The following PLXNA1 variants were observed in gnomAD, a reference collection of about 807,000 sequenced individuals.
PLXNA1 encodes the protein plexin A1, also known as plexin-A1.
In PLXNA1, 77 loss-of-function variants were observed where a neutral mutation model predicts 191.7. That is an observed-to-expected ratio of 0.40 (90% confidence interval 0.33 to 0.49). The LOEUF (loss-of-function observed/expected upper bound fraction) is 0.49. PLXNA1 is among the 20% of genes least tolerant of loss of function. The pLI, the probability that PLXNA1 is intolerant of heterozygous loss-of-function variation, is 0.63. For synonymous variants in PLXNA1, 1,137 were observed against 1,156.4 expected, an observed-to-expected ratio of 0.98 and a Z score of 0.34; for missense variants, 2,110 against 2,660.2, an observed-to-expected ratio of 0.79 and a Z score of 4.55.
At position 126,988,581 on chromosome 3, in the gene PLXNA1, G is replaced by A; in HGVS notation, c.-13G>A. The A allele has an allele frequency of 6.8e-7, 1 of 1,478,040 alleles. No individual in the cohort carries two copies. The highest frequency in any genetic ancestry group is 1.4e-5 in the South Asian group (1 of 72,212). 91.6% of individuals were successfully genotyped at this position (1,478,040 alleles called of 1,614,324 possible). A position where few individuals can be genotyped will look rare whatever the true frequency, so the allele number is the denominator to read the frequency against. On this transcript the variant is annotated 5_prime_UTR_variant, in exon 2 of 32. Transcript: ENST00000393409. ...CAGGACCAGAGCACCGAGGCCCAAGGCCCCAGCCTGCCATGCCGCTGCCAC... is the reference window on the plus strand; with the variant it reads ...CAGGACCAGAGCACCGAGGCCCAAGACCCCAGCCTGCCATGCCGCTGCCAC...
At chr3:127,029,604 G>C (rs1448297297) in intron 27 of PLXNA1, 68 bp downstream of exon 27, 2 of 1,513,586 alleles carry the variant, frequency 1.3e-6, no homozygotes, top group Non-Finnish European at 1.8e-6. Flanking sequence ...CGTCCCCCGG[G>C]CTCCCACGCT....
intron 2 of PLXNA1, among the ~76,000 whole-genome samples, chr3:126,990,847 G>C (rs2078986685): frequency 6.6e-6 from 1 of 152,178 alleles, no homozygotes; most frequent in African/African-American, 2.4e-5. Context: ...GCTTGTAGGG[G>C]CAGAGCCTGG....
chr3:127,030,112 C>A, intron 28 of PLXNA1, 48 bp downstream of exon 28: 5 of 1,599,336 alleles, frequency 3.1e-6, no homozygotes, highest in Non-Finnish European at 4.3e-6. Context: ...GCCAACTGAG[C>A]TCAGAGAAAG....
chr3:126,985,064 C>A (rs1040081241), intron 1 of PLXNA1, among the ~76,000 whole-genome samples: 1 of 152,146 alleles, frequency 6.6e-6, no homozygotes, highest in Non-Finnish European at 1.5e-5. Context: ...GGATGGCAGC[C>A]CCACACCCCA....
In PLXNA1 at chr3:127,012,033, C is replaced by T. The variant is rs551831498; in HGVS notation, c.2188C>T (p.Arg730Trp). 66 of 1,613,628 alleles carry T rather than the reference C, an allele frequency of 4.1e-5. No homozygotes were observed. Among genetic ancestry groups the T allele is most frequent in the Admixed American group, 1.3e-4 (8 of 60,036 alleles). The change falls in exon 10 of 32, where the codon CGG becomes TGG. Residue 730 changes from arginine (R) to tryptophan (W), a missense_variant. This residue lies in a region of PLXNA1 where 903 missense variants were observed against 1,015.7 expected (regional missense o/e 0.89). Coordinates refer to ENST00000393409, the MANE Select transcript of PLXNA1 (RefSeq NM_032242.4). ...GVVKPITLAA[R>W]NLPQPQSGQR... is the part of the protein sequence containing the mutation. The stretch of plus-strand genomic sequence containing the variant: ...GGTAAAACCCATCACCCTGGCCGCA[C>T]GGAACCTGCCACAGCCACAGTCAGG...
At chr3:127,015,398 C>T (rs2079118054) in intron 15 of PLXNA1, 78 bp downstream of exon 15, 1 of 1,526,154 alleles carries the variant, frequency 6.6e-7, no homozygotes, top group Non-Finnish European at 8.8e-7. Flanking sequence ...TTCTTGTTGC[C>T]TGGGCAACGG....
intron 9 of PLXNA1, among the ~76,000 whole-genome samples, chr3:127,010,483 G>A (rs943503924): frequency 4.6e-5 from 7 of 152,132 alleles, no homozygotes; most frequent in African/African-American, 1.7e-4. Flanking sequence ...ATGGGGTGGG[G>A]GTATGGGGAG....
intron 1 of PLXNA1, among the ~76,000 whole-genome samples, chr3:126,986,481 G>A (rs1409816341): frequency 2.6e-5 from 4 of 152,238 alleles, no homozygotes; most frequent in Non-Finnish European, 5.9e-5. Flanking sequence ...GGCAGGGAGT[G>A]TGTGGGGAGT....
At chr3:127,033,309 G>T (rs1015114141) in intron 31 of PLXNA1, among the ~76,000 whole-genome samples, 1 of 152,220 alleles carries the variant, frequency 6.6e-6, no homozygotes, top group Non-Finnish European at 1.5e-5. Flanking sequence ...CTCCTGGGCC[G>T]CACAGGATGG....
chr3:127,008,993 G>A lies in PLXNA1; in HGVS notation c.2112+1080G>A, dbSNP rs572127782. 1.1e-4 allele frequency among the ~76,000 whole-genome samples: 17 copies of A among 152,254 alleles called. No homozygotes were observed. The East Asian group carries it at 2.7e-3, about 24-fold the overall frequency. The stretch of plus-strand genomic sequence containing the variant: ...CAGTGGGGCGCTTCTCTGGGGGTGC[G>A]GCCTGCCTGAAGAGCCAGGCCAAGG... On this transcript the variant is annotated intron_variant, in intron 9 of 31. Coordinates refer to ENST00000393409, the MANE Select transcript of PLXNA1 (RefSeq NM_032242.4).
At chr3:127,003,959 G>A (rs904884274) in intron 4 of PLXNA1, among the ~76,000 whole-genome samples, 1 of 152,236 alleles carries the variant, frequency 6.6e-6, no homozygotes, top group Non-Finnish European at 1.5e-5. Flanking sequence ...TTGAGTCCCT[G>A]GCCTGGCTTG....
intron 27 of PLXNA1, 60 bp from the exon 28 acceptor site, chr3:127,029,814 G>A: frequency 6.8e-7 from 1 of 1,481,114 alleles, no homozygotes; most frequent in Non-Finnish European, 9.0e-7. Flanking sequence ...TGGGGAAACA[G>A]GCTCGGGCGG....
At chr3:127,003,003 C>T (rs1251279483) in intron 3 of PLXNA1, among the ~76,000 whole-genome samples, 1 of 152,186 alleles carries the variant, frequency 6.6e-6, no homozygotes, top group Non-Finnish European at 1.5e-5. Flanking sequence ...TAGCCTTCAC[C>T]CTGGGTGTGG....
chr3:127,024,933 A>C (rs1367769696), intron 23 of PLXNA1, among the ~76,000 whole-genome samples: 1 of 152,180 alleles, frequency 6.6e-6, no homozygotes, highest in African/African-American at 2.4e-5. Context: ...GAGCAGTTCC[A>C]GATTCATAGT....
intron 3 of PLXNA1, among the ~76,000 whole-genome samples, chr3:127,002,864 A>C (rs1467358711): frequency 6.6e-6 from 1 of 151,866 alleles, no homozygotes; most frequent in East Asian, 1.9e-4. Flanking sequence ...AGGACACCCC[A>C]TTCTGGAGTC....
intron 20 of PLXNA1, 50 bp downstream of exon 20, chr3:127,018,578 C>A (rs1443153304): frequency 1.4e-6 from 2 of 1,456,398 alleles, no homozygotes; most frequent in South Asian, 1.2e-5. Flanking sequence ...CCGAGCCAGG[C>A]CCTGGCCTGT....
intron 21 of PLXNA1, 47 bp downstream of exon 21, chr3:127,020,391 C>CTA: frequency 6.3e-7 from 1 of 1,599,556 alleles, no homozygotes; most frequent in Non-Finnish European, 8.5e-7. Context: ...GAGGCAGCTG[C>CTA]TATCTTCTGC....
chr3:127,029,506 T>C lies in PLXNA1; in HGVS notation c.4840T>C (p.Ser1614Pro). The C allele has an allele frequency of 6.2e-7, 1 of 1,613,850 alleles. No individual in the cohort carries two copies. Among genetic ancestry groups the C allele is most frequent in the South Asian group, 1.1e-5 (1 of 91,082 alleles). ...GTCCGCCTACAACATCTCCAACTCC[T>C]CCACCTTCACCAAGTCCCTCAGCAG... ...QTSAYNISNS[S>P]TFTKSLSRYE... is the part of the protein sequence containing the mutation. Residue 1614 changes from serine to proline, a missense_variant, in exon 27 of 32, where the codon TCC (serine) becomes CCC (proline). By Grantham distance (74) the Ser-to-Pro change is moderately conservative. Around this residue, in one of 4 missense-constraint regions of PLXNA1, gnomAD observed 559 missense variants for 911.5 expected, o/e 0.61. Transcript: ENST00000393409.
intron 7 of PLXNA1, among the ~76,000 whole-genome samples, chr3:127,005,684 G>T (rs529696509): frequency 1.5e-4 from 23 of 152,024 alleles, no homozygotes; most frequent in Non-Finnish European, 3.1e-4. Flanking sequence ...GGGGTCTTGC[G>T]GGGGGCTGCA....
Sources: gnomAD v4.1 joint callset for allele counts (sites outside exome capture counted in the v4.1 genomes callset) on GRCh38, gnomAD v4.1.1 for gene constraint, gnomAD v4.1.1 regional missense constraint, MANE v1.5 for transcripts, NCBI Gene and HGNC (gene_info 2026-07-23, HGNC 2026-07-21) for gene names.